UBE2D3: variants seen among roughly 807,000 people sequenced by gnomAD.
UBE2D3 encodes ubiquitin conjugating enzyme E2 D3.
A neutral mutation model predicts 22.8 loss-of-function variants in UBE2D3; 2 were observed. That is an observed-to-expected ratio of 0.09 (90% CI 0.04 to 0.28). The LOEUF (loss-of-function observed/expected upper bound fraction) is 0.28. Ranked by LOEUF, UBE2D3 falls within the 10% of genes least tolerant of loss-of-function variation. UBE2D3 has a pLI of 1.00. For synonymous variants in UBE2D3, 56 were observed against 60.4 expected, an observed-to-expected ratio of 0.93 and a Z score of 0.34; for missense variants, 27 against 182.5, an observed-to-expected ratio of 0.15 and a Z score of 4.91.
chr4:102,796,891 G>A lies in UBE2D3; in HGVS notation c.*524C>T, dbSNP rs1725320729. 6.6e-6 allele frequency: 1 copy of A among 152,498 alleles called. No individual in the cohort carries two copies. The highest frequency in any genetic ancestry group is 2.4e-5 in the African/African-American group (1 of 41,410). The allele number at this position is 152,498 out of a possible 1,614,324, so 9.4% of individuals were successfully genotyped here. On this transcript the variant is annotated 3_prime_UTR_variant, in exon 8 of 8. Transcript: ENST00000453744. ...ACATCACATTTTCTGTTCTGCTGATGCTATAAATTCAATACCAATTCTCCA... is the reference window on the plus strand; with the variant it reads ...ACATCACATTTTCTGTTCTGCTGATACTATAAATTCAATACCAATTCTCCA...
intron 1 of UBE2D3, among the ~76,000 whole-genome samples, chr4:102,841,017 T>C (rs58582557): frequency 2.1e-5 from 3 of 140,558 alleles, no homozygotes; most frequent in Non-Finnish European, 3.1e-5. Context: ...AAGACTCTTT[T>C]AAAAAAAAAA....
intron 2 of UBE2D3, among the ~76,000 whole-genome samples, chr4:102,818,174 C>G (rs147881009): frequency 5.3e-5 from 8 of 152,276 alleles, no homozygotes; most frequent in African/African-American, 1.9e-4. Context: ...AGGAATTGCT[C>G]AAGGTTCCAC....
At chr4:102,836,141 A>ATTTTTTTT (rs907557988) in intron 1 of UBE2D3, among the ~76,000 whole-genome samples, 82 of 102,650 alleles carry the variant, frequency 8.0e-4, no homozygotes, top group Non-Finnish European at 1.1e-3. Flanking sequence ...GTTTGTTTCC[A>ATTTTTTTT]TTTTTTTTTT....
intron 1 of UBE2D3, among the ~76,000 whole-genome samples, chr4:102,858,787 T>G (rs1732744333): frequency 6.6e-6 from 1 of 151,952 alleles, no homozygotes; most frequent in Non-Finnish European, 1.5e-5. Context: ...TTAGATCTCA[T>G]ACAAAAACTC....
intron 1 of UBE2D3, among the ~76,000 whole-genome samples, chr4:102,868,004 G>A (rs923034617): frequency 1.3e-5 from 2 of 151,360 alleles, no homozygotes; most frequent in Non-Finnish European, 2.9e-5. Flanking sequence ...AAGCCATAAG[G>A]ACCCCCTGCG....
chr4:102,826,886 G>A (rs562111433), intron 1 of UBE2D3: 10 of 1,060,080 alleles, frequency 9.4e-6, no homozygotes, highest in African/African-American at 3.4e-5. Flanking sequence ...AGAGGCGTAG[G>A]AGAAAGGGGT....
At chr4:102,807,663 A>G (rs887011130) in intron 4 of UBE2D3, among the ~76,000 whole-genome samples, 2 of 152,218 alleles carry the variant, frequency 1.3e-5, no homozygotes, top group African/African-American at 2.4e-5. Context: ...AGGAATAGCC[A>G]TCACCTGAAA....
intron 2 of UBE2D3, among the ~76,000 whole-genome samples, chr4:102,813,717 G>A (rs146442248): frequency 1.3e-5 from 2 of 152,252 alleles, no homozygotes; most frequent in Non-Finnish European, 2.9e-5. Flanking sequence ...TTAACGCTAA[G>A]AAAGGGAACC....
At chr4:102,809,744 A>G in intron 3 of UBE2D3, 41 bp from the exon 4 acceptor site, 1 of 1,613,326 alleles carries the variant, frequency 6.2e-7, no homozygotes, top group Non-Finnish European at 8.5e-7. Context: ...AAAAATGCAC[A>G]AGCTTAAAAA....
At position 102,794,522 on chromosome 4, in the gene UBE2D3, A is replaced by G. The variant is rs1225664618; in HGVS notation, c.*2893T>C. ...TTCCTCATAAAAGACAAATTCACTT[A>G]AAAGTGTAATCAACAATCATTAACA... On this transcript the variant is annotated 3_prime_UTR_variant, in exon 8 of 8. Transcript: ENST00000453744. 6.6e-6 allele frequency: 1 copy of G among 152,072 alleles called. No homozygotes were observed. The allele number at this position is 152,072 out of a possible 1,614,324, so 9.4% of individuals were successfully genotyped here. A position where few individuals can be genotyped will look rare whatever the true frequency, so the allele number is the denominator to read the frequency against.
intron 4 of UBE2D3, among the ~76,000 whole-genome samples, chr4:102,808,549 C>T (rs1453196321): frequency 6.6e-6 from 1 of 152,134 alleles, no homozygotes; most frequent in Non-Finnish European, 1.5e-5. Context: ...CTTTAGGGCA[C>T]TAACATTTTA....
intron 1 of UBE2D3, chr4:102,826,855 A>G (rs904870424): frequency 6.1e-5 from 68 of 1,118,672 alleles, no homozygotes; most frequent in Non-Finnish European, 6.8e-5. Flanking sequence ...CTAGAAAGGA[A>G]GAGACCCGGG....
upstream of UBE2D3, chr4:102,827,593 T>G (rs1410079544): frequency 4.1e-6 from 4 of 986,620 alleles, no homozygotes; most frequent in Non-Finnish European, 4.8e-6. Context: ...TCCTCCTGCC[T>G]CTTCACCGCC....
chr4:102,868,807 T>TTCAGA, exon 1 of UBE2D3: 1 of 1,611,834 alleles, frequency 6.2e-7, no homozygotes, highest in Non-Finnish European at 8.5e-7. Flanking sequence ...TCTACAGACG[T>TTCAGA]TAAAGGCCCA....
intron 1 of UBE2D3, among the ~76,000 whole-genome samples, chr4:102,852,107 C>T (rs111832045): frequency 6.6e-6 from 1 of 152,094 alleles, no homozygotes; most frequent in African/African-American, 2.4e-5. Context: ...TATGATACGC[C>T]CTTAGAAAGA....
At chr4:102,815,026 G>GTT in intron 2 of UBE2D3, among the ~76,000 whole-genome samples, 1 of 151,786 alleles carries the variant, frequency 6.6e-6, no homozygotes, top group Non-Finnish European at 1.5e-5. Context: ...TAAAATGTCT[G>GTT]AACAAAAATA....
chr4:102,833,965 A>G (rs1731251391), intron 1 of UBE2D3, among the ~76,000 whole-genome samples: 1 of 152,238 alleles, frequency 6.6e-6, no homozygotes, highest in Non-Finnish European at 1.5e-5. Context: ...GAATAGGAAG[A>G]ATTGACTGAG....
chr4:102,818,957 A>G (rs574275715), intron 2 of UBE2D3, among the ~76,000 whole-genome samples: 1 of 152,322 alleles, frequency 6.6e-6, no homozygotes, highest in East Asian at 1.9e-4. Context: ...AGTGGTGACC[A>G]ACCACAGGCT....
chr4:102,796,613 GA>G lies in UBE2D3; in HGVS notation c.*801del. 1 of 152,480 alleles carries G rather than the reference GA, an allele frequency of 6.6e-6. No individual in the cohort carries two copies. The highest frequency in any genetic ancestry group is 1.5e-5 in the Non-Finnish European group (1 of 67,884). The allele number at this position is 152,480 out of a possible 1,614,324, so 9.4% of individuals were successfully genotyped here. Reference sequence around the variant, plus strand: ...CATTGGTTTATGCAACTTTATTGAAGAAAAATAAATCAATTACTAGCAGAGC... The same window carrying G: ...CATTGGTTTATGCAACTTTATTGAAGAAAATAAATCAATTACTAGCAGAGC... On this transcript the variant is annotated 3_prime_UTR_variant, in exon 8 of 8. Transcript: ENST00000453744.
Sources: allele counts gnomAD v4.1 joint callset (sites outside exome capture counted in the v4.1 genomes callset), GRCh38; gene constraint gnomAD v4.1.1; transcripts MANE v1.5; gene names NCBI Gene and HGNC (gene_info 2026-07-23, HGNC 2026-07-21).